ADK: variants seen among roughly 807,000 people sequenced by gnomAD.
The protein encoded by ADK is N6,N6-dimethyladenosine kinase.
ADK carries 24 observed loss-of-function variants against 44.7 expected under a neutral mutation model. The ratio of observed to expected loss-of-function variants is 0.54; its 90% confidence interval spans 0.39 to 0.76. The LOEUF (loss-of-function observed/expected upper bound fraction) is 0.76. ADK is among the 30% of genes least tolerant of loss of function. The probability of loss-of-function intolerance (pLI) is 0.00; values close to 1 mark genes in which losing one functional copy is unlikely to be tolerated. For synonymous variants in ADK, 128 were observed against 142.6 expected (o/e 0.90, Z 0.73); for missense variants, 321 against 425.1 (o/e 0.76, Z 2.15).
chr10:74,598,553 G>T (rs962608951), intron 8 of ADK, among the ~76,000 whole-genome samples: 1 of 147,258 alleles, frequency 6.8e-6, no homozygotes, highest in Non-Finnish European at 1.5e-5. Context: ...GGGTTCAAGC[G>T]ATTCTCCTGC....
At chr10:74,591,632 A>G (rs1220016655) in intron 8 of ADK, among the ~76,000 whole-genome samples, 1 of 152,228 alleles carries the variant, frequency 6.6e-6, no homozygotes. Context: ...GAATAAAACA[A>G]AAATAAATCA....
chr10:74,620,943 T>G (rs1852973064), intron 9 of ADK, among the ~76,000 whole-genome samples: 1 of 152,182 alleles, frequency 6.6e-6, no homozygotes, highest in Non-Finnish European at 1.5e-5. Context: ...TTTAAGTTCC[T>G]TGTATATTCT....
At chr10:74,491,633 G>C (rs1847489526) in intron 6 of ADK, among the ~76,000 whole-genome samples, 1 of 152,166 alleles carries the variant, frequency 6.6e-6, no homozygotes, top group Non-Finnish European at 1.5e-5. Context: ...TAAACCAATA[G>C]AGAGCAGCTA....
chr10:74,314,122 C>T (rs1840538691), intron 3 of ADK, among the ~76,000 whole-genome samples: 2 of 151,826 alleles, frequency 1.3e-5, no homozygotes, highest in African/African-American at 2.4e-5. Flanking sequence ...TATTTTTTGA[C>T]GTTTAGTAAG....
intron 2 of ADK, among the ~76,000 whole-genome samples, chr10:74,223,277 C>T (rs1312297750): frequency 1.1e-4 from 16 of 152,078 alleles, no homozygotes; most frequent in Admixed American, 1.0e-3. Context: ...TTTAAAGCCA[C>T]CAGCTCCCCT....
intron 6 of ADK, chr10:74,509,213 A>C (rs1419851188): frequency 6.9e-6 from 1 of 143,936 alleles, no homozygotes; most frequent in Non-Finnish European, 1.5e-5. Flanking sequence ...TTTTTTTTTG[A>C]GACGGAGTCT....
chr10:74,563,873 G>C (rs896698649), intron 7 of ADK, among the ~76,000 whole-genome samples: 1 of 151,762 alleles, frequency 6.6e-6, no homozygotes, highest in African/African-American at 2.4e-5. Flanking sequence ...TGCGTCTTTG[G>C]CTTCTTTTTT....
At chr10:74,420,121 A>G (rs554542637) in intron 6 of ADK, among the ~76,000 whole-genome samples, 3 of 152,298 alleles carry the variant, frequency 2.0e-5, no homozygotes, top group African/African-American at 4.8e-5. Context: ...TTAGCCCTAC[A>G]TAGTTAACTA....
chr10:74,279,348 G>T (rs1272076029), intron 3 of ADK, among the ~76,000 whole-genome samples: 1 of 152,116 alleles, frequency 6.6e-6, no homozygotes, highest in Non-Finnish European at 1.5e-5. Context: ...CCAGCACTTT[G>T]GGAGGCTGAG....
At chr10:74,301,313 G>A (rs993376127) in intron 3 of ADK, among the ~76,000 whole-genome samples, 8 of 152,006 alleles carry the variant, frequency 5.3e-5, no homozygotes, top group African/African-American at 1.4e-4. Flanking sequence ...AGGAGTTCAA[G>A]ACCAGTCTGG....
At chr10:74,301,826 G>A (rs1308319402) in intron 3 of ADK, among the ~76,000 whole-genome samples, 1 of 151,958 alleles carries the variant, frequency 6.6e-6, no homozygotes, top group African/African-American at 2.4e-5. Flanking sequence ...ATTGGGTTGA[G>A]TATCCTTTAT....
intron 2 of ADK, among the ~76,000 whole-genome samples, chr10:74,215,606 T>C (rs956472203): frequency 5.9e-5 from 9 of 151,862 alleles, no homozygotes; most frequent in African/African-American, 2.2e-4. Flanking sequence ...ATTATAAGCA[T>C]GAGCCACTGC....
intron 4 of ADK, among the ~76,000 whole-genome samples, chr10:74,372,697 A>G (rs1415736539): frequency 2.6e-5 from 4 of 152,226 alleles, no homozygotes; most frequent in African/African-American, 9.6e-5. Context: ...ATTGAAAGAC[A>G]TTAAAGGAAA....
chr10:74,623,327 A>G (rs1231400660), intron 9 of ADK, among the ~76,000 whole-genome samples: 1 of 152,124 alleles, frequency 6.6e-6, no homozygotes, highest in Non-Finnish European at 1.5e-5. Flanking sequence ...ATCCCTCAAA[A>G]TTTATATATT....
At chr10:74,649,041 G>A (rs566417501) in intron 9 of ADK, among the ~76,000 whole-genome samples, 7 of 152,056 alleles carry the variant, frequency 4.6e-5, no homozygotes, top group South Asian at 2.1e-4. Flanking sequence ...TTAGCTGGGC[G>A]TGGTGGCACG....
chr10:74,452,144 G>C (rs1473543644), intron 6 of ADK, among the ~76,000 whole-genome samples: 1 of 151,864 alleles, frequency 6.6e-6, no homozygotes, highest in Admixed American at 6.6e-5. Flanking sequence ...ATTTGTAACA[G>C]AGAAAATAGG....
At chr10:74,489,996 G>A (rs548659514) in intron 6 of ADK, among the ~76,000 whole-genome samples, 17 of 144,876 alleles carry the variant, frequency 1.2e-4, no homozygotes, top group South Asian at 2.2e-4. Context: ...GCATATATCC[G>A]TTTTATCTTT....
At chr10:74,657,425 C>T (rs1478591742) in intron 9 of ADK, among the ~76,000 whole-genome samples, 1 of 152,152 alleles carries the variant, frequency 6.6e-6, no homozygotes, top group East Asian at 1.9e-4. Context: ...GTATGATTTA[C>T]TTTTATACAA....
intron 6 of ADK, among the ~76,000 whole-genome samples, chr10:74,432,092 G>A (rs1213592751): frequency 6.6e-6 from 1 of 151,966 alleles, no homozygotes; most frequent in African/African-American, 2.4e-5. Context: ...TACTCGAGAC[G>A]CTGAGGTGGG....
Sources: gnomAD v4.1 joint callset for allele counts (sites outside exome capture counted in the v4.1 genomes callset) on GRCh38, gnomAD v4.1.1 for gene constraint, MANE v1.5 for transcripts, NCBI Gene and HGNC (gene_info 2026-07-23, HGNC 2026-07-21) for gene names.